The following CD163L1 variants were observed in gnomAD, a reference collection of about 807,000 sequenced individuals.
The protein encoded by CD163L1 is CD163 molecule like 1, also known as scavenger receptor cysteine-rich type 1 protein M160.
Under a neutral mutation model 165.4 loss-of-function variants are expected in CD163L1, and 124 were observed. The observed-to-expected ratio is 0.75, with a 90% CI of 0.65 to 0.87. The LOEUF (loss-of-function observed/expected upper bound fraction) is 0.87, where lower values mean the gene tolerates loss of function less well. Ranked by LOEUF, CD163L1 falls within the 40% of genes least tolerant of loss-of-function variation. CD163L1 has a pLI of 0.00. For synonymous variants in CD163L1, 585 were observed against 662.2 expected, an observed-to-expected ratio of 0.88 and a Z score of 1.79; for missense variants, 1,525 against 1,799.9, an observed-to-expected ratio of 0.85 and a Z score of 2.76.
chr12:7,365,835 T>C (rs1016665412), intron 18 of CD163L1, among the ~76,000 whole-genome samples: 1 of 152,096 alleles, frequency 6.6e-6, no homozygotes, highest in Non-Finnish European at 1.5e-5. Flanking sequence ...GGATAGTCAT[T>C]ATGGAAAACT....
At chr12:7,388,407 A>C (rs1254212056) in intron 8 of CD163L1, among the ~76,000 whole-genome samples, 4 of 152,178 alleles carry the variant, frequency 2.6e-5, no homozygotes, top group Non-Finnish European at 5.9e-5. Context: ...ATATTTTAAA[A>C]CTTGAATAAC....
chr12:7,319,308 T>G, the CD163L1 span, among the ~76,000 whole-genome samples: 2 of 151,566 alleles, frequency 1.3e-5, no homozygotes, highest in Non-Finnish European at 2.9e-5. Flanking sequence ...CAATGGGGAG[T>G]GGCTATAAAT....
the CD163L1 span, among the ~76,000 whole-genome samples, chr12:7,330,178 T>C: frequency 1.3e-5 from 2 of 152,190 alleles, no homozygotes; most frequent in Admixed American, 1.3e-4. Context: ...GTCCTGCCTA[T>C]TCTCTTTGCC....
At chr12:7,342,571 C>T (rs1454824214), downstream of CD163L1, among the ~76,000 whole-genome samples, 1 of 152,202 alleles carries the variant, frequency 6.6e-6, no homozygotes, top group Non-Finnish European at 1.5e-5. Context: ...ATTCCTCTAG[C>T]ACCACTGGGT....
chr12:7,407,211 A>G (rs1565800702), intron 4 of CD163L1, among the ~76,000 whole-genome samples: 1 of 152,146 alleles, frequency 6.6e-6, no homozygotes. Flanking sequence ...GCCAGCAAAC[A>G]TTTTAGAACT....
At chr12:7,384,257 A>T (rs916721982) in intron 8 of CD163L1, among the ~76,000 whole-genome samples, 48 of 152,126 alleles carry the variant, frequency 3.2e-4, no homozygotes, top group African/African-American at 9.4e-4. Flanking sequence ...AAAGAAAGAA[A>T]TTTTTTTTCA....
the CD163L1 span, among the ~76,000 whole-genome samples, chr12:7,320,544 G>T: frequency 6.6e-6 from 1 of 152,110 alleles, no homozygotes; most frequent in Non-Finnish European, 1.5e-5. Context: ...TTCAGTAATT[G>T]GAAATTCCCA....
intron 8 of CD163L1, among the ~76,000 whole-genome samples, chr12:7,384,835 A>C (rs1405847821): frequency 6.6e-6 from 1 of 152,134 alleles, no homozygotes; most frequent in Non-Finnish European, 1.5e-5. Flanking sequence ...ATGAAAGCAC[A>C]TGAAAGTATA....
intron 1 of CD163L1, among the ~76,000 whole-genome samples, chr12:7,442,377 G>A (rs914485466): frequency 6.6e-6 from 1 of 152,184 alleles, no homozygotes; most frequent in Non-Finnish European, 1.5e-5. Flanking sequence ...GACAGAAGGC[G>A]CAACCTGCTT....
Position 7,374,844 on chromosome 12 carries a change from A to G in CD163L1, c.3081T>C (p.Ala1027=). 1 of 1,614,204 alleles carries G rather than the reference A, an allele frequency of 6.2e-7. No individual in the cohort carries two copies. Among genetic ancestry groups the G allele is most frequent in the East Asian group, 2.2e-5 (1 of 44,880 alleles). The stretch of plus-strand genomic sequence containing the variant: ...GATTCTGCTTACCTAAGCAGATCAA[A>G]GCACTGCCCTCTGGAACTGCAGACA... ...PYLSAVPEGS[A]LICLEDKRLR... is the part of the protein sequence containing the mutation. The change falls in exon 12 of 20, where the codon GCT becomes GCC. Residue 1027 remains alanine, a synonymous_variant. Coordinates refer to ENST00000313599, the MANE Select transcript of CD163L1 (RefSeq NM_174941.6). The surrounding 1 kb of genome is among the most constrained non-coding windows in gnomAD (Gnocchi z 5.4).
intron 2 of CD163L1, among the ~76,000 whole-genome samples, chr12:7,440,854 T>A (rs1261729339): frequency 6.6e-6 from 1 of 152,184 alleles, no homozygotes; most frequent in Non-Finnish European, 1.5e-5. Flanking sequence ...CTCGAACTCC[T>A]GACCTCAGGT....
intron 8 of CD163L1, among the ~76,000 whole-genome samples, chr12:7,388,439 T>C (rs1357038806): frequency 6.6e-6 from 1 of 151,988 alleles, no homozygotes; most frequent in Non-Finnish European, 1.5e-5. Flanking sequence ...ACAAAACAAA[T>C]AACCCCATTA....
At chr12:7,361,547 G>A (rs949290251) in intron 18 of CD163L1, among the ~76,000 whole-genome samples, 4 of 152,104 alleles carry the variant, frequency 2.6e-5, no homozygotes, top group Non-Finnish European at 4.4e-5. Flanking sequence ...GGGCAGATAT[G>A]CTTTTGAAAC....
the CD163L1 span, among the ~76,000 whole-genome samples, chr12:7,334,618 A>G: frequency 6.6e-6 from 1 of 152,220 alleles, no homozygotes; most frequent in Admixed American, 6.5e-5. Flanking sequence ...CCTATTCAAC[A>G]TAGTGTTGGA....
At chr12:7,436,559 G>T (rs991281566) in intron 2 of CD163L1, among the ~76,000 whole-genome samples, 1 of 152,064 alleles carries the variant, frequency 6.6e-6, no homozygotes, top group Non-Finnish European at 1.5e-5. Context: ...ACTGCTTGAG[G>T]CCAGGAGTTC....
intron 9 of CD163L1, among the ~76,000 whole-genome samples, chr12:7,378,106 C>G (rs555067893): frequency 6.6e-6 from 1 of 152,136 alleles, no homozygotes; most frequent in African/African-American, 2.4e-5. Flanking sequence ...ATTATCTTTC[C>G]AGATGATGAC....
chr12:7,432,885 G>C lies in CD163L1; in HGVS notation c.446-149C>G. The C allele has an allele frequency of 1.6e-6, 1 of 634,908 alleles. No homozygotes were observed. The highest frequency in any genetic ancestry group is 2.5e-6 in the Non-Finnish European group (1 of 401,164). The allele number at this position is 634,908 out of a possible 1,614,324, so 39.3% of individuals were successfully genotyped here. A position where few individuals can be genotyped will look rare whatever the true frequency, so the allele number is the denominator to read the frequency against. On this transcript the variant is annotated intron_variant, in intron 3 of 19. Coordinates refer to ENST00000313599, the MANE Select transcript of CD163L1 (RefSeq NM_174941.6). This position sits in a 1 kb window ranked among gnomAD's most constrained non-coding sequence, Gnocchi z 4.2. ...CTGAAAATACTTATAGGAGGGGTAT[G>C]TGAGGCTTTTTTCTAAACACAAATA... is the stretch of plus-strand genomic sequence containing the variant.
At chr12:7,396,711 A>G (rs759322078) in intron 7 of CD163L1, among the ~76,000 whole-genome samples, 9 of 152,190 alleles carry the variant, frequency 5.9e-5, no homozygotes, top group Non-Finnish European at 1.0e-4. Context: ...CAAGACTGCA[A>G]CATCAGCTCT....
chr12:7,417,084 T>G (rs1417645986), intron 4 of CD163L1, among the ~76,000 whole-genome samples: 1 of 152,138 alleles, frequency 6.6e-6, no homozygotes, highest in Non-Finnish European at 1.5e-5. Context: ...TGTCCTCTCT[T>G]ATTTCCTTGA....
Sources: gnomAD v4.1 joint callset for allele counts (sites outside exome capture counted in the v4.1 genomes callset) on GRCh38, gnomAD v4.1.1 for gene constraint, Gnocchi (gnomAD v3.1) non-coding constraint, MANE v1.5 for transcripts, NCBI Gene and HGNC (gene_info 2026-07-23, HGNC 2026-07-21) for gene names.